NRXN1: variants seen among roughly 807,000 people sequenced by gnomAD.
The protein encoded by NRXN1 is neurexin 1, also known as neurexin-1.
In NRXN1, 39 loss-of-function variants were observed where a neutral mutation model predicts 150.9. The ratio of observed to expected loss-of-function variants is 0.26; its 90% CI spans 0.20 to 0.34. The LOEUF (loss-of-function observed/expected upper bound fraction) is 0.34, where lower values mean the gene tolerates loss of function less well. Among genes scored for constraint, NRXN1 ranks in the 10% least tolerant of loss-of-function variants. The probability of loss-of-function intolerance (pLI) is 1.00; values close to 1 mark genes in which losing one functional copy is unlikely to be tolerated. For missense variants in NRXN1, 1,815 were observed against 1,949.9 expected, an observed-to-expected ratio of 0.93 and a Z score of 1.30; for synonymous variants, 924 against 757.0, an observed-to-expected ratio of 1.22 and a Z score of -3.62.
chr2:50,822,758 A>G (rs1343928568), intron 5 of NRXN1, among the ~76,000 whole-genome samples: 1 of 152,154 alleles, frequency 6.6e-6, no homozygotes, highest in Non-Finnish European at 1.5e-5. Flanking sequence ...TTAATATACT[A>G]TGAGAACTCT....
intron 5 of NRXN1, among the ~76,000 whole-genome samples, chr2:50,707,664 C>A (rs887222733): frequency 6.6e-6 from 1 of 152,146 alleles, no homozygotes; most frequent in African/African-American, 2.4e-5. Flanking sequence ...CCTTGCCATT[C>A]TTCAGGACTC....
At chr2:50,421,500 A>G (rs1481549109) in intron 17 of NRXN1, among the ~76,000 whole-genome samples, 5 of 152,140 alleles carry the variant, frequency 3.3e-5, no homozygotes, top group Non-Finnish European at 2.9e-5. Context: ...TTACCATTCT[A>G]TTATTTAGAA....
rs2087929634 is a variant in NRXN1 at position 50,459,422 on chromosome 2, C to G, written c.3364+6020G>C. Among the ~76,000 whole-genome samples the G allele has an allele frequency of 2.0e-5, 3 of 152,010 alleles. No homozygotes were observed. The South Asian group carries it at 6.2e-4, about 31-fold the overall frequency. ...TCACTTCATCACCCAGGTATTAAGCCTAGTAGCCAATAATTATTTTTTCTG... is the reference window on the plus strand; with the variant it reads ...TCACTTCATCACCCAGGTATTAAGCGTAGTAGCCAATAATTATTTTTTCTG... On this transcript the variant is annotated intron_variant, in intron 17 of 22. Coordinates refer to ENST00000401669, the MANE Select transcript of NRXN1 (RefSeq NM_001330078.2).
At chr2:50,539,413 A>G (rs1318806712) in intron 9 of NRXN1, among the ~76,000 whole-genome samples, 2 of 152,234 alleles carry the variant, frequency 1.3e-5, no homozygotes, top group Non-Finnish European at 2.9e-5. Context: ...TTAAGGAGAA[A>G]AATCTATTGG....
At chr2:50,620,254 G>T in intron 7 of NRXN1, 71 bp from the exon 8 acceptor site, 1 of 1,433,486 alleles carries the variant, frequency 7.0e-7, no homozygotes, top group East Asian at 2.5e-5. Flanking sequence ...GGATATGCCT[G>T]TTTTGTGTTT....
chr2:50,164,279 T>C (rs752358850), intron 18 of NRXN1, among the ~76,000 whole-genome samples: 3 of 152,190 alleles, frequency 2.0e-5, no homozygotes, highest in Admixed American at 6.5e-5. Context: ...AGACACTCTC[T>C]GCTCCCCAAG....
chr2:49,994,171 T>C (rs1288678935), intron 21 of NRXN1, among the ~76,000 whole-genome samples: 3 of 152,172 alleles, frequency 2.0e-5, no homozygotes, highest in Non-Finnish European at 2.9e-5. Context: ...CTATGAAGAC[T>C]CATAATTGGA....
In NRXN1 at chr2:50,489,917, C is replaced by A. The variant is rs144694396; in HGVS notation, c.3070+5988G>T. On this transcript the variant is annotated intron_variant, in intron 15 of 22. Coordinates refer to ENST00000401669, the MANE Select transcript of NRXN1 (RefSeq NM_001330078.2). ...GGGAAGGGAATGTTTTAATCCCACT[C>A]TCAACTTCCCGCCTCCTTAAGGTAG... Among the ~76,000 whole-genome samples the A allele has an allele frequency of 2.5e-3, 357 of 143,730 alleles. 1 individual carries two copies. Among genetic ancestry groups the A allele is most frequent in the African/African-American group, 1.0e-2 (334 of 33,566 alleles). 94.3% of individuals were successfully genotyped at this position (143,730 alleles called of 152,430 possible).
In NRXN1 at chr2:50,346,082, G is replaced by A. The variant is rs1400771006; in HGVS notation, c.3365-109112C>T. Among the ~76,000 whole-genome samples, 1 of 152,236 alleles carries A rather than the reference G, an allele frequency of 6.6e-6. No individual in the cohort carries two copies. Among genetic ancestry groups the A allele is most frequent in the Non-Finnish European group, 1.5e-5 (1 of 68,040 alleles). ...AGGGCTGGCCCGCATTAAAGGGGAT[G>A]ACTCGGTTGCCCTCCTAGCTTTTCT... On this transcript the variant is annotated intron_variant, in intron 17 of 22. Transcript: ENST00000401669. This position sits in a 1 kb window ranked among gnomAD's most constrained non-coding sequence, Gnocchi z 5.0.
chr2:50,053,197 G>T, intron 21 of NRXN1, 74 bp downstream of exon 21: 1 of 1,467,526 alleles, frequency 6.8e-7, no homozygotes, highest in Non-Finnish European at 9.5e-7. Flanking sequence ...ATTTAGAAAA[G>T]ACGCATATGC....
At chr2:50,122,647 C>T (rs769514472) in intron 18 of NRXN1, among the ~76,000 whole-genome samples, 2 of 152,228 alleles carry the variant, frequency 1.3e-5, no homozygotes, top group Non-Finnish European at 2.9e-5. Context: ...GTTCCATAAC[C>T]CTTGCTAGCA....
At chr2:51,004,071 A>G (rs1700402625) in intron 2 of NRXN1, among the ~76,000 whole-genome samples, 2 of 103,562 alleles carry the variant, frequency 1.9e-5, no homozygotes, top group Admixed American at 1.7e-4. Flanking sequence ...TGGTGGGGGA[A>G]AAAAAAAAAA....
At chr2:50,131,593 C>G (rs988637500) in intron 18 of NRXN1, among the ~76,000 whole-genome samples, 1 of 152,162 alleles carries the variant, frequency 6.6e-6, no homozygotes, top group South Asian at 2.1e-4. Context: ...CTTCAATATA[C>G]GAAGAAATGC....
chr2:50,758,520 C>G (rs1701419769), intron 5 of NRXN1, among the ~76,000 whole-genome samples: 2 of 151,832 alleles, frequency 1.3e-5, no homozygotes, highest in African/African-American at 4.8e-5. Flanking sequence ...GTTACGCAGG[C>G]TGGACTTAAA....
intron 5 of NRXN1, among the ~76,000 whole-genome samples, chr2:50,913,174 G>C (rs1421091840): frequency 6.6e-6 from 1 of 151,800 alleles, no homozygotes; most frequent in African/African-American, 2.4e-5. Context: ...TTTTAGGTCA[G>C]TATAGCATCA....
intron 5 of NRXN1, among the ~76,000 whole-genome samples, chr2:50,711,642 A>G (rs569989605): frequency 6.6e-6 from 1 of 152,146 alleles, no homozygotes; most frequent in South Asian, 2.1e-4. Flanking sequence ...GGGCTCAGGT[A>G]ATGGACTTTG....
At chr2:50,580,390 T>A (rs1672085186) in intron 8 of NRXN1, among the ~76,000 whole-genome samples, 1 of 152,220 alleles carries the variant, frequency 6.6e-6, no homozygotes, top group South Asian at 2.1e-4. Context: ...TAAAATCATT[T>A]AAAAATGATC....
chr2:50,754,931 C>T (rs1221167998), intron 5 of NRXN1, among the ~76,000 whole-genome samples: 2 of 152,006 alleles, frequency 1.3e-5, no homozygotes, highest in African/African-American at 2.4e-5. Flanking sequence ...TTTCATTTCA[C>T]AAGTTGGTTC....
rs779053108 is a variant in NRXN1 at position 50,538,665 on chromosome 2, T to A, written c.1760-29A>T. 1.4e-5 allele frequency: 20 copies of A among 1,429,310 alleles called. No homozygotes were observed. The Admixed American group carries it at 4.5e-4, about 32-fold the overall frequency. 88.5% of individuals were successfully genotyped at this position (1,429,310 alleles called of 1,614,324 possible). On this transcript the variant is annotated intron_variant, in intron 9 of 22. Coordinates refer to ENST00000401669, the MANE Select transcript of NRXN1 (RefSeq NM_001330078.2). ...TTTCAAAGAGAGGAGAATGCACAGG[T>A]CTTTAAAAAGCACCAACGTGTTATA...
Sources: allele counts gnomAD v4.1 joint callset (sites outside exome capture counted in the v4.1 genomes callset), GRCh38; gene constraint gnomAD v4.1.1; non-coding constraint Gnocchi (gnomAD v3.1); transcripts MANE v1.5; gene names NCBI Gene and HGNC (gene_info 2026-07-23, HGNC 2026-07-21).